Variants in ADD3 observed in about 807,000 individuals in gnomAD.
ADD3 encodes the protein gamma-adducin.
ADD3 carries 25 observed loss-of-function variants against 80.2 expected under a neutral mutation model. That is an observed-to-expected ratio of 0.31 (90% CI 0.23 to 0.44). The LOEUF (loss-of-function observed/expected upper bound fraction) is 0.44, where lower values mean the gene tolerates loss of function less well. ADD3 is among the 20% of genes least tolerant of loss of function. The pLI is 1.00. For missense variants in ADD3, 829 were observed against 847.5 expected (o/e 0.98, Z 0.27); for synonymous variants, 284 against 289.6 (o/e 0.98, Z 0.20).
intron 1 of ADD3, among the ~76,000 whole-genome samples, chr10:110,022,080 G>A (rs1462852355): frequency 6.6e-6 from 1 of 152,152 alleles, no homozygotes; most frequent in African/African-American, 2.4e-5. Flanking sequence ...TGCTTTTCTT[G>A]TCCAGGTAGA....
Position 110,124,291 on chromosome 10 carries a change from T to C in ADD3, c.1401+17T>C, listed in dbSNP as rs2134172568. On this transcript the variant is annotated intron_variant, in intron 10 of 14. Transcript: ENST00000356080. ...AAAATCACGGTATGCCAGTATTTTA[T>C]GTAGTTTGCCTTTACTAAATATTTT... 2 of 1,609,690 alleles carry C rather than the reference T, an allele frequency of 1.2e-6. No individual in the cohort carries two copies. The highest frequency in any genetic ancestry group is 1.1e-5 in the South Asian group (1 of 90,976).
At chr10:110,121,581 TA>T (rs920651923) in intron 8 of ADD3, among the ~76,000 whole-genome samples, 5 of 151,492 alleles carry the variant, frequency 3.3e-5, no homozygotes, top group Admixed American at 1.3e-4. Flanking sequence ...AAAGAACAAC[TA>T]AAAAAAAACT....
chr10:110,040,943 T>G (rs1359288058), intron 1 of ADD3, among the ~76,000 whole-genome samples: 6 of 96,600 alleles, frequency 6.2e-5, no homozygotes, highest in Non-Finnish European at 9.2e-5. Flanking sequence ...TCTCTCTCTC[T>G]CGCTCTCTCT....
chr10:110,051,902 A>G (rs889745437), intron 1 of ADD3, among the ~76,000 whole-genome samples: 1 of 152,206 alleles, frequency 6.6e-6, no homozygotes, highest in African/African-American at 2.4e-5. Context: ...TCCTGGGTTC[A>G]AGCGATCCTC....
intron 1 of ADD3, among the ~76,000 whole-genome samples, chr10:110,033,129 TTGAA>T (rs1029947971): frequency 1.6e-4 from 25 of 152,364 alleles, no homozygotes; most frequent in African/African-American, 5.3e-4. Flanking sequence ...GTGTTTCTCT[TTGAA>T]TGAAAAACCC....
intron 1 of ADD3, among the ~76,000 whole-genome samples, chr10:110,081,446 T>A (rs528432790): frequency 3.9e-4 from 59 of 152,138 alleles, no homozygotes; most frequent in Middle Eastern, 3.4e-3. Flanking sequence ...TGGCAAAAAA[T>A]ATATATATAT....
intron 1 of ADD3, among the ~76,000 whole-genome samples, chr10:110,033,814 G>T (rs554177671): frequency 1.3e-5 from 2 of 152,092 alleles, no homozygotes; most frequent in African/African-American, 4.8e-5. Flanking sequence ...CTCTGGGACC[G>T]TAATTTGCTA....
At chr10:110,098,133 C>G (rs1848391610) in intron 1 of ADD3, among the ~76,000 whole-genome samples, 1 of 152,114 alleles carries the variant, frequency 6.6e-6, no homozygotes, top group South Asian at 2.1e-4. Context: ...TTGTTTTGTA[C>G]AATGATCCTC....
chr10:110,031,954 CAA>C (rs759233367), intron 1 of ADD3, among the ~76,000 whole-genome samples: 2 of 151,156 alleles, frequency 1.3e-5, no homozygotes, highest in East Asian at 3.9e-4. Context: ...TTAGCAACTT[CAA>C]AGAGATTTAA....
chr10:110,019,083 T>G (rs1288887055), intron 1 of ADD3, among the ~76,000 whole-genome samples: 1 of 152,238 alleles, frequency 6.6e-6, no homozygotes, highest in Admixed American at 6.5e-5. Flanking sequence ...GTCCATCATT[T>G]ACTTTGTTTG....
intron 1 of ADD3, among the ~76,000 whole-genome samples, chr10:110,077,568 C>G (rs542668075): frequency 6.6e-6 from 1 of 152,034 alleles, no homozygotes; most frequent in Non-Finnish European, 1.5e-5. Flanking sequence ...TCTAAAGAGC[C>G]TTTTATTTCT....
chr10:110,087,796 T>G (rs546783642), intron 1 of ADD3, among the ~76,000 whole-genome samples: 1 of 152,354 alleles, frequency 6.6e-6, no homozygotes, highest in East Asian at 1.9e-4. Context: ...AGTATATGTG[T>G]TAGTTTCCTA....
At chr10:110,080,782 G>A (rs528519235) in intron 1 of ADD3, among the ~76,000 whole-genome samples, 3 of 152,050 alleles carry the variant, frequency 2.0e-5, no homozygotes, top group African/African-American at 7.2e-5. Flanking sequence ...TCCTTGTTTC[G>A]TTAAATGCTA....
At chr10:110,055,889 A>C (rs549122677) in intron 1 of ADD3, among the ~76,000 whole-genome samples, 1 of 152,360 alleles carries the variant, frequency 6.6e-6, no homozygotes, top group South Asian at 2.1e-4. Flanking sequence ...TAGTTTATTA[A>C]ATGACATAAA....
rs200854332 is a variant in ADD3, at chr10:110,040,185, T to A, written c.-30+31886T>A. The stretch of plus-strand genomic sequence containing the variant: ...AATCGTTAGGAAAGTTATTATTATT[T>A]TTTTTTTTCAGATTTCCAGTCTTTA... On this transcript the variant is annotated intron_variant, in intron 1 of 14. Coordinates refer to ENST00000356080, the MANE Select transcript of ADD3 (RefSeq NM_016824.5). Among the ~76,000 whole-genome samples the A allele has an allele frequency of 3.4e-4, 52 of 152,288 alleles. No homozygotes were observed. The East Asian group carries it at 5.4e-3, about 16-fold the overall frequency.
chr10:110,113,466 A>T, intron 3 of ADD3, among the ~76,000 whole-genome samples: 1 of 152,016 alleles, frequency 6.6e-6, no homozygotes, highest in East Asian at 1.9e-4. Flanking sequence ...ACGGGGTTTC[A>T]CCATGTTGGT....
At chr10:110,017,440 C>A (rs1354752184) in intron 1 of ADD3, among the ~76,000 whole-genome samples, 1 of 152,154 alleles carries the variant, frequency 6.6e-6, no homozygotes, top group African/African-American at 2.4e-5. Context: ...ATATTTAAAA[C>A]CACAAGAAAA....
intron 1 of ADD3, among the ~76,000 whole-genome samples, chr10:110,080,180 C>T (rs558121826): frequency 6.6e-6 from 1 of 152,258 alleles, no homozygotes; most frequent in South Asian, 2.1e-4. Flanking sequence ...AGTCATTTCT[C>T]CTCAGAGCAG....
At chr10:110,055,953 A>G (rs148511972) in intron 1 of ADD3, among the ~76,000 whole-genome samples, 56 of 152,378 alleles carry the variant, frequency 3.7e-4, no homozygotes, top group African/African-American at 1.3e-3. Context: ...CAAATGAAAC[A>G]TAAATCCATG....
Sources: gnomAD v4.1 joint callset for allele counts (sites outside exome capture counted in the v4.1 genomes callset) on GRCh38, gnomAD v4.1.1 for gene constraint, MANE v1.5 for transcripts, NCBI Gene and HGNC (gene_info 2026-07-23, HGNC 2026-07-21) for gene names.